RORA: variants seen among roughly 807,000 people sequenced by gnomAD.
RORA encodes the protein RAR related orphan receptor A, also known as nuclear receptor ROR-alpha.
Under a neutral mutation model 69.5 loss-of-function variants are expected in RORA, and 7 were observed. The ratio of observed to expected loss-of-function variants is 0.10; its 90% confidence interval spans 0.06 to 0.19. The LOEUF (loss-of-function observed/expected upper bound fraction) is 0.19, where lower values mean the gene tolerates loss of function less well. Ranked by LOEUF, RORA falls within the 10% of genes least tolerant of loss-of-function variation. The pLI, the probability that RORA is intolerant of heterozygous loss-of-function variation, is 1.00. For synonymous variants in RORA, 261 were observed against 240.8 expected (o/e 1.08, Z -0.78); for missense variants, 457 against 663.0 (o/e 0.69, Z 3.41).
intron 1 of RORA, among the ~76,000 whole-genome samples, chr15:60,800,750 C>G (rs1015270479): frequency 2.6e-5 from 4 of 152,144 alleles, no homozygotes; most frequent in African/African-American, 4.8e-5. Context: ...TATTTATCCT[C>G]CAGGACCCAG....
At chr15:60,724,658 T>C (rs2071335014) in intron 1 of RORA, among the ~76,000 whole-genome samples, 1 of 152,220 alleles carries the variant, frequency 6.6e-6, no homozygotes, top group Admixed American at 6.5e-5. Context: ...GCCGGTTTAA[T>C]AGGAGCTCCC....
intron 2 of RORA, among the ~76,000 whole-genome samples, chr15:60,672,821 C>T (rs1189376404): frequency 6.6e-6 from 1 of 152,216 alleles, no homozygotes; most frequent in Non-Finnish European, 1.5e-5. Context: ...GGTGTTCCTG[C>T]TATTGCTGCT....
chr15:60,795,840 T>A (rs1201244140), intron 1 of RORA, among the ~76,000 whole-genome samples: 2 of 152,118 alleles, frequency 1.3e-5, no homozygotes, highest in East Asian at 3.9e-4. Context: ...CATAAAACAT[T>A]ACATAAGACA....
At chr15:60,978,432 A>G (rs1415699744) in intron 1 of RORA, among the ~76,000 whole-genome samples, 2 of 152,170 alleles carry the variant, frequency 1.3e-5, no homozygotes, top group Non-Finnish European at 2.9e-5. Flanking sequence ...CTCTTACAAA[A>G]TATCCTATAT....
intron 1 of RORA, among the ~76,000 whole-genome samples, chr15:60,747,252 A>G (rs116347650): frequency 0.013 from 1,968 of 152,252 alleles, 47 homozygotes; most frequent in African/African-American, 0.046. Flanking sequence ...AATTCTTAGA[A>G]ACAAGGCAAG....
At chr15:61,133,973 T>A (rs1452289662) in intron 1 of RORA, among the ~76,000 whole-genome samples, 5 of 152,230 alleles carry the variant, frequency 3.3e-5, no homozygotes, top group Non-Finnish European at 7.3e-5. Context: ...CAAGTTTGTT[T>A]GTTGAAATCA....
At chr15:60,692,246 A>G (rs568443198) in intron 1 of RORA, among the ~76,000 whole-genome samples, 9 of 152,352 alleles carry the variant, frequency 5.9e-5, no homozygotes, top group South Asian at 2.1e-4. Flanking sequence ...TTTTAAAGAT[A>G]GCTCTGTTTT....
At chr15:60,538,473 G>A (rs1476511232) in intron 2 of RORA, among the ~76,000 whole-genome samples, 2 of 147,010 alleles carry the variant, frequency 1.4e-5, no homozygotes, top group Admixed American at 6.8e-5. Flanking sequence ...CAAAGATTGC[G>A]ATGCTGTGTC....
At position 60,490,188 on chromosome 15, in the gene RORA, A is replaced by G. The variant is rs535490167; in HGVS notation, c.*7267T>C. On this transcript the variant is annotated 3_prime_UTR_variant, in exon 11 of 11. Transcript: ENST00000335670. This position sits in a 1 kb window ranked among gnomAD's most constrained non-coding sequence, Gnocchi z 4.1. ...TATATATATGTATATATATACAAAT[A>G]TATAGTTATACTCAGTGAAATTAAC... 29 of 151,374 alleles carry G rather than the reference A, an allele frequency of 1.9e-4. No homozygotes were observed. In the South Asian group the frequency reaches 5.6e-3, roughly 29 times the overall value. 9.4% of individuals were successfully genotyped at this position (151,374 alleles called of 1,614,324 possible).
intron 1 of RORA, among the ~76,000 whole-genome samples, chr15:61,051,035 C>A (rs1278267424): frequency 6.6e-6 from 1 of 152,170 alleles, no homozygotes; most frequent in African/African-American, 2.4e-5. Context: ...GCTCTCTAGG[C>A]TCTGACACAC....
chr15:60,925,598 C>T (rs1307538259), intron 1 of RORA, among the ~76,000 whole-genome samples: 1 of 152,230 alleles, frequency 6.6e-6, no homozygotes, highest in Non-Finnish European at 1.5e-5. Context: ...TTTGGCCCAG[C>T]AGCCCCACAG....
chr15:61,053,690 A>C (rs1290120847), intron 1 of RORA, among the ~76,000 whole-genome samples: 1 of 151,590 alleles, frequency 6.6e-6, no homozygotes, highest in East Asian at 1.9e-4. Flanking sequence ...TCAAGAAAAC[A>C]AATTCTTGCT....
intron 1 of RORA, among the ~76,000 whole-genome samples, chr15:61,155,102 A>AT (rs1366053709): frequency 6.6e-6 from 1 of 152,222 alleles, no homozygotes; most frequent in Non-Finnish European, 1.5e-5. Context: ...AAGATTTTAA[A>AT]TGTTGTCACC....
chr15:60,763,530 C>T (rs1376888371), intron 1 of RORA, among the ~76,000 whole-genome samples: 2 of 152,152 alleles, frequency 1.3e-5, no homozygotes, highest in Non-Finnish European at 2.9e-5. Context: ...CGAGGAGGTT[C>T]GCTGCTGCCA....
At chr15:60,559,356 C>A (rs1039457986) in intron 2 of RORA, among the ~76,000 whole-genome samples, 1 of 152,108 alleles carries the variant, frequency 6.6e-6, no homozygotes, top group Non-Finnish European at 1.5e-5. Context: ...TGAGGCCCTC[C>A]CTCTACTTGT....
chr15:60,861,103 G>A (rs2140425185), intron 1 of RORA, among the ~76,000 whole-genome samples: 1 of 152,310 alleles, frequency 6.6e-6, no homozygotes, highest in Middle Eastern at 3.4e-3. Flanking sequence ...TACTGAGGAT[G>A]TCAGCAATAA....
At chr15:61,118,097 C>G (rs2140805726) in intron 1 of RORA, among the ~76,000 whole-genome samples, 1 of 152,280 alleles carries the variant, frequency 6.6e-6, no homozygotes, top group East Asian at 1.9e-4. Context: ...CCTCAAAGAG[C>G]CCATAGTGTA....
intron 1 of RORA, among the ~76,000 whole-genome samples, chr15:60,816,138 A>G (rs1468348259): frequency 8.2e-6 from 1 of 122,024 alleles, no homozygotes; most frequent in African/African-American, 3.1e-5. Context: ...GTATTTATAT[A>G]CTGTAAACAG....
chr15:61,193,179 T>C (rs928268162), intron 1 of RORA, among the ~76,000 whole-genome samples: 8 of 152,210 alleles, frequency 5.3e-5, no homozygotes, highest in African/African-American at 1.7e-4. Context: ...ACTTTGTTTC[T>C]ACCATCCTGA....
Sources: allele counts gnomAD v4.1 joint callset (sites outside exome capture counted in the v4.1 genomes callset), GRCh38; gene constraint gnomAD v4.1.1; non-coding constraint Gnocchi (gnomAD v3.1); transcripts MANE v1.5; gene names NCBI Gene and HGNC (gene_info 2026-07-23, HGNC 2026-07-21).